The following CDH11 variants were observed in gnomAD, a reference collection of about 807,000 sequenced individuals.
The protein encoded by CDH11 is cadherin-11.
CDH11 carries 11 observed loss-of-function variants against 67.8 expected under a neutral mutation model. The observed-to-expected ratio is 0.16, with a 90% CI of 0.10 to 0.27. The LOEUF is 0.27. Ranked by LOEUF, CDH11 falls within the 10% of genes least tolerant of loss-of-function variation. CDH11 has a pLI of 1.00. For synonymous variants in CDH11, 419 were observed against 400.0 expected (o/e 1.05, Z -0.57); for missense variants, 847 against 1,031.2 (o/e 0.82, Z 2.45).
intron 1 of CDH11, among the ~76,000 whole-genome samples, chr16:65,059,958 T>C (rs2074210092): frequency 1.3e-5 from 2 of 152,138 alleles, no homozygotes; most frequent in African/African-American, 4.8e-5. Context: ...CTTGCCCAAA[T>C]TATGTAGCTT....
chr16:65,050,384 T>G (rs1000495461), intron 2 of CDH11, among the ~76,000 whole-genome samples: 8 of 152,226 alleles, frequency 5.3e-5, no homozygotes, highest in Non-Finnish European at 1.0e-4. Context: ...TTGACTGCTA[T>G]ATGCAGTTAC....
intron 1 of CDH11, among the ~76,000 whole-genome samples, chr16:65,054,248 G>A (rs2074107339): frequency 6.6e-6 from 1 of 152,174 alleles, no homozygotes; most frequent in African/African-American, 2.4e-5. Context: ...TGAAGAACAA[G>A]CTATTGGGGG....
At chr16:64,983,119 T>C (rs1459307857) in intron 7 of CDH11, 1 of 140,292 alleles carries the variant, frequency 7.1e-6, no homozygotes. Flanking sequence ...GGGAAATGTT[T>C]CCTTTTTTAA....
intron 1 of CDH11, among the ~76,000 whole-genome samples, chr16:65,071,114 G>A (rs1230672455): frequency 6.6e-6 from 1 of 152,200 alleles, no homozygotes; most frequent in Non-Finnish European, 1.5e-5. Flanking sequence ...TTTGGCAGAA[G>A]AGTGGCCACA....
chr16:65,110,406 G>A (rs1485342239), intron 1 of CDH11, among the ~76,000 whole-genome samples: 2 of 152,154 alleles, frequency 1.3e-5, no homozygotes, highest in Non-Finnish European at 2.9e-5. Context: ...CAGGAAAACT[G>A]GAGAAAGAGG....
chr16:64,991,119 C>G (rs1486161762), intron 6 of CDH11, among the ~76,000 whole-genome samples: 2 of 152,108 alleles, frequency 1.3e-5, no homozygotes, highest in Non-Finnish European at 2.9e-5. Flanking sequence ...TAACAAAAGG[C>G]AAGACAATTT....
At position 64,944,018 on chromosome 16, in the gene CDH11, C is replaced by T. The variant is rs906094217; in HGVS notation, c.*3585G>A. 10 of 232,042 alleles carry T rather than the reference C, an allele frequency of 4.3e-5. No homozygotes were observed. The highest frequency in any genetic ancestry group is 2.3e-4 in the Admixed American group (4 of 17,744). 14.4% of individuals were successfully genotyped at this position (232,042 alleles called of 1,614,324 possible). A position where few individuals can be genotyped will look rare whatever the true frequency, so the allele number is the denominator to read the frequency against. On this transcript the variant is annotated 3_prime_UTR_variant, in exon 13 of 13. Coordinates refer to ENST00000268603, the MANE Select transcript of CDH11 (RefSeq NM_001797.4). ...ACGTGTTTTTTTTTGTATCAGGAAC[C>T]GAAAGATGGCCAGTGTGGCTGGAGC... is the stretch of plus-strand genomic sequence containing the variant.
At chr16:64,983,736 TGGC>T (rs1299167546) in intron 7 of CDH11, among the ~76,000 whole-genome samples, 1 of 152,180 alleles carries the variant, frequency 6.6e-6, no homozygotes, top group Non-Finnish European at 1.5e-5. Context: ...CCTTTATCCT[TGGC>T]TAGGTTACTG....
chr16:64,994,233 T>C (rs1387599428), intron 4 of CDH11, among the ~76,000 whole-genome samples: 1 of 152,178 alleles, frequency 6.6e-6, no homozygotes, highest in Non-Finnish European at 1.5e-5. Flanking sequence ...GCTCTTCCCA[T>C]TTGTCAGTCA....
intron 1 of CDH11, among the ~76,000 whole-genome samples, chr16:65,116,066 G>A (rs924002410): frequency 2.6e-5 from 4 of 152,144 alleles, no homozygotes; most frequent in Non-Finnish European, 4.4e-5. Context: ...TCCTGGCCCC[G>A]CTGCTGGGCA....
At chr16:65,092,184 C>G (rs1314610313) in intron 1 of CDH11, among the ~76,000 whole-genome samples, 3 of 152,164 alleles carry the variant, frequency 2.0e-5, no homozygotes, top group Non-Finnish European at 4.4e-5. Flanking sequence ...CACTGCAGCC[C>G]CTCAAAGCTG....
intron 1 of CDH11, among the ~76,000 whole-genome samples, chr16:65,077,214 G>A (rs1235838693): frequency 6.6e-6 from 1 of 152,186 alleles, no homozygotes; most frequent in Non-Finnish European, 1.5e-5. Context: ...GCTAACATAT[G>A]AACACCAGAA....
At chr16:64,965,176 T>C (rs1420040266) in intron 11 of CDH11, among the ~76,000 whole-genome samples, 1 of 117,364 alleles carries the variant, frequency 8.5e-6, no homozygotes, top group East Asian at 2.6e-4. Flanking sequence ...CTGGCCAACA[T>C]GGTGAAACCC....
intron 2 of CDH11, among the ~76,000 whole-genome samples, chr16:65,011,861 T>C (rs1206557841): frequency 6.6e-6 from 1 of 152,208 alleles, no homozygotes; most frequent in East Asian, 1.9e-4. Flanking sequence ...GATAAACTGA[T>C]GCTTAACATA....
Position 64,946,162 on chromosome 16 carries a change from T to G in CDH11, c.*1441A>C, listed in dbSNP as rs2071192801. The G allele has an allele frequency of 9.5e-7, 1 of 1,053,462 alleles. No homozygotes were observed. The highest frequency in any genetic ancestry group is 1.7e-5 in the African/African-American group (1 of 60,414). 65.3% of individuals were successfully genotyped at this position (1,053,462 alleles called of 1,614,324 possible). A position where few individuals can be genotyped will look rare whatever the true frequency, so the allele number is the denominator to read the frequency against. ...TCTAAACAAAGCTTTTTTAAATGAA[T>G]CGCCCATTCTCATTAAAACATAAAA... On this transcript the variant is annotated 3_prime_UTR_variant, in exon 13 of 13. Transcript: ENST00000268603.
intron 4 of CDH11, among the ~76,000 whole-genome samples, chr16:64,996,178 A>G (rs1597070006): frequency 6.6e-6 from 1 of 152,130 alleles, no homozygotes; most frequent in African/African-American, 2.4e-5. Context: ...AATTTGGAGA[A>G]GTCTCAAAAA....
intron 1 of CDH11, among the ~76,000 whole-genome samples, chr16:65,076,453 G>C (rs139802151): frequency 6.6e-6 from 1 of 152,290 alleles, no homozygotes; most frequent in East Asian, 1.9e-4. Flanking sequence ...CTCATGGCCT[G>C]AAGAAAAGGA....
chr16:65,122,252 C>A, upstream of CDH11: 2 of 437,428 alleles, frequency 4.6e-6, no homozygotes, highest in East Asian at 9.9e-5. Context: ...CGGGGGCCGA[C>A]CCCGTCCGCG....
At chr16:65,069,289 C>T (rs954704577) in intron 1 of CDH11, among the ~76,000 whole-genome samples, 5 of 152,138 alleles carry the variant, frequency 3.3e-5, no homozygotes, top group African/African-American at 1.2e-4. Flanking sequence ...ATCTCGACTC[C>T]AATTACAATA....
Sources: gnomAD v4.1 joint callset for allele counts (sites outside exome capture counted in the v4.1 genomes callset) on GRCh38, gnomAD v4.1.1 for gene constraint, MANE v1.5 for transcripts, NCBI Gene and HGNC (gene_info 2026-07-23, HGNC 2026-07-21) for gene names.